CNTRL: variants seen among roughly 807,000 people sequenced by gnomAD.
CNTRL encodes the protein centriolin, also known as 110 kDa centrosomal protein.
Under a neutral mutation model 303.7 loss-of-function variants are expected in CNTRL, and 233 were observed. The ratio of observed to expected loss-of-function variants is 0.77; its 90% CI spans 0.69 to 0.86. The LOEUF is 0.86. CNTRL is among the 40% of genes least tolerant of loss of function. The probability of loss-of-function intolerance (pLI) is 0.00; values close to 1 mark genes in which losing one functional copy is unlikely to be tolerated. For synonymous variants in CNTRL, 900 were observed against 922.2 expected (o/e 0.98, Z 0.44); for missense variants, 2,524 against 2,650.6 (o/e 0.95, Z 1.05).
chr9:121,155,540 C>T (rs775673878), intron 27 of CNTRL, among the ~76,000 whole-genome samples: 1 of 152,144 alleles, frequency 6.6e-6, no homozygotes, highest in Non-Finnish European at 1.5e-5. Flanking sequence ...GTTGGTCAGG[C>T]TGGTTTTGAA....
chr9:121,125,652 A>G, intron 13 of CNTRL, 64 bp from the exon 14 acceptor site: 1 of 1,390,642 alleles, frequency 7.2e-7, no homozygotes. Context: ...TTATAACAAA[A>G]TGCTGAGCAG....
chr9:121,133,137 C>G (rs1012451142), intron 14 of CNTRL, among the ~76,000 whole-genome samples: 6 of 152,246 alleles, frequency 3.9e-5, no homozygotes, highest in African/African-American at 1.4e-4. Context: ...TCTCTGAGCT[C>G]AAACACTGTG....
At position 121,177,145 on chromosome 9, in the gene CNTRL, C is replaced by T. The variant is rs2053561294; in HGVS notation, c.6955-18C>T. On this transcript the variant is annotated intron_variant, in intron 43 of 43. Transcript: ENST00000373855. ...TGTTTCAAGAATTTGATTTATCCTT[C>T]CTTTTGTCTTACTGTAGGAAAAGAA... The T allele has an allele frequency of 1.2e-6, 2 of 1,605,250 alleles. No individual in the cohort carries two copies. Among genetic ancestry groups the T allele is most frequent in the South Asian group, 1.1e-5 (1 of 90,700 alleles).
intron 12 of CNTRL, 117 bp from the exon 13 acceptor site, chr9:121,123,814 T>C: frequency 1.3e-6 from 1 of 757,560 alleles, no homozygotes; most frequent in Non-Finnish European, 1.9e-6. Flanking sequence ...CTGACACAAA[T>C]AGATGCAAAT....
In CNTRL at chr9:121,160,166, A is replaced by G; in HGVS notation, c.4953A>G (p.Glu1651=). Residue 1651 remains glutamate, a synonymous_variant, in exon 32 of 44, where the codon GAA becomes GAG. Transcript: ENST00000373855. The stretch of plus-strand genomic sequence containing the variant: ...AGGAAGTAAAATCTCTTCTGGAAGA[A>G]CTGAGTTTTCAGAAAGGAGAACTAA... ...HIREVKSLLE[E]LSFQKGELNV... is the part of the protein sequence containing the mutation. The G allele has an allele frequency of 6.6e-7, 1 of 1,513,464 alleles. No individual in the cohort carries two copies. The highest frequency in any genetic ancestry group is 8.8e-7 in the Non-Finnish European group (1 of 1,137,254). The allele number at this position is 1,513,464 out of a possible 1,614,324, so 93.8% of individuals were successfully genotyped here. A position where few individuals can be genotyped will look rare whatever the true frequency, so the allele number is the denominator to read the frequency against.
At chr9:121,080,540 A>C (rs1389644622) in intron 2 of CNTRL, 62 bp downstream of exon 2, 1 of 152,212 alleles carries the variant, frequency 6.6e-6, no homozygotes, top group Admixed American at 6.5e-5. Context: ...AATTAACTTC[A>C]ATCATCATCT....
At chr9:121,162,369 A>C in intron 34 of CNTRL, 98 bp downstream of exon 34, 4 of 991,422 alleles carry the variant, frequency 4.0e-6, no homozygotes, top group Non-Finnish European at 6.3e-6. Flanking sequence ...AAAAGATAAA[A>C]TACACCACAA....
intron 25 of CNTRL, among the ~76,000 whole-genome samples, chr9:121,151,387 C>CTTTTTTTTTTTTTTTTTTT (rs71370632): frequency 2.4e-4 from 22 of 90,432 alleles, no homozygotes; most frequent in Middle Eastern, 0.011. Flanking sequence ...TTTTCTTCTT[C>CTTTTTTTTTTTTTTTTTTT]TTTTTTTTTT....
chr9:121,143,830 C>T, intron 19 of CNTRL, 73 bp from the exon 20 acceptor site: 7 of 1,234,996 alleles, frequency 5.7e-6, no homozygotes, highest in Non-Finnish European at 6.8e-6. Flanking sequence ...AGTCCCTACC[C>T]TCCTGGAGCT....
intron 11 of CNTRL, among the ~76,000 whole-genome samples, chr9:121,117,082 A>G (rs1053731459): frequency 4.6e-5 from 7 of 152,230 alleles, no homozygotes; most frequent in Non-Finnish European, 1.0e-4. Context: ...AACAGTTAAT[A>G]ATTAATAATA....
intron 10 of CNTRL, 102 bp from the exon 11 acceptor site, chr9:121,114,989 G>T: frequency 7.7e-6 from 5 of 652,984 alleles, no homozygotes. Context: ...GTTTAATAGA[G>T]CAGGGAGAAG....
chr9:121,161,281 A>G (rs2052843486), intron 32 of CNTRL: 3 of 445,698 alleles, frequency 6.7e-6, no homozygotes, highest in South Asian at 5.0e-5. Flanking sequence ...TGTATTTTCC[A>G]GCTTTTCTAC....
intron 14 of CNTRL, among the ~76,000 whole-genome samples, chr9:121,129,402 T>C (rs552610458): frequency 6.6e-6 from 1 of 152,244 alleles, no homozygotes; most frequent in East Asian, 1.9e-4. Flanking sequence ...TTGTAGCAAT[T>C]GTGAATGGGA....
intron 42 of CNTRL, 142 bp downstream of exon 42, chr9:121,173,879 C>A: frequency 1.3e-6 from 1 of 789,016 alleles, no homozygotes; most frequent in Non-Finnish European, 2.2e-6. Context: ...ATGTCTGAAG[C>A]TTCGAGGAGT....
Position 121,146,267 on chromosome 9 carries a change from T to A in CNTRL, c.3459+11T>A. On this transcript the variant is annotated intron_variant, in intron 23 of 43. Coordinates refer to ENST00000373855, the MANE Select transcript of CNTRL (RefSeq NM_007018.6). ...CCACCATCATCAAAAGTAGGAATTC[T>A]GTGGTGTTGGGAATGTATACTGAAT... 2 of 1,600,982 alleles carry A rather than the reference T, an allele frequency of 1.2e-6. No homozygotes were observed. The highest frequency in any genetic ancestry group is 1.7e-4 in the Middle Eastern group (1 of 5,980).
chr9:121,135,761 C>A (rs762640645), intron 14 of CNTRL, 45 bp from the exon 15 acceptor site: 2 of 1,531,100 alleles, frequency 1.3e-6, no homozygotes, highest in Non-Finnish European at 1.8e-6. Flanking sequence ...AATGCTTAAG[C>A]AGCACAGTGA....
At chr9:121,150,743 A>G in intron 25 of CNTRL, 1 of 407,776 alleles carries the variant, frequency 2.5e-6, no homozygotes, top group Non-Finnish European at 4.3e-6. Flanking sequence ...AGCCCCGGTA[A>G]CAGCAAAAAA....
At position 121,177,578 on chromosome 9, in the gene CNTRL, AT is replaced by A. The variant is rs2053576944; in HGVS notation, c.*397del. 4.8e-6 allele frequency: 1 copy of A among 210,180 alleles called. No individual in the cohort carries two copies. Among genetic ancestry groups the A allele is most frequent in the Non-Finnish European group, 9.6e-6 (1 of 104,602 alleles). The allele number at this position is 210,180 out of a possible 1,614,324, so 13.0% of individuals were successfully genotyped here. Reference sequence around the variant, plus strand: ...TATTTTTGAATTTTGCTTAAAATCTATTTTTCATATGAAAATAAAAGATAAC... The same window carrying A: ...TATTTTTGAATTTTGCTTAAAATCTATTTTCATATGAAAATAAAAGATAAC... On this transcript the variant is annotated 3_prime_UTR_variant, in exon 44 of 44. Coordinates refer to ENST00000373855, the MANE Select transcript of CNTRL (RefSeq NM_007018.6).
At chr9:121,092,742 CTA>C (rs370933462) in intron 4 of CNTRL, among the ~76,000 whole-genome samples, 1 of 12,430 alleles carries the variant, frequency 8.0e-5, no homozygotes, top group Non-Finnish European at 1.9e-4. Context: ...TAATATATAT[CTA>C]TATATAATAT....
Sources: allele counts gnomAD v4.1 joint callset (sites outside exome capture counted in the v4.1 genomes callset), GRCh38; gene constraint gnomAD v4.1.1; transcripts MANE v1.5; gene names NCBI Gene and HGNC (gene_info 2026-07-23, HGNC 2026-07-21).